The following LINS1 variants were observed in gnomAD, a reference collection of about 807,000 sequenced individuals.
The protein encoded by LINS1 is protein Lines homolog 1.
A neutral mutation model predicts 41.6 loss-of-function variants in LINS1; 27 were observed. The observed-to-expected ratio is 0.65, with a 90% CI of 0.48 to 0.89. LINS1 has a LOEUF of 0.89. LINS1 is among the 40% of genes least tolerant of loss of function. LINS1 has a pLI of 0.00. For missense variants in LINS1, 955 were observed against 884.1 expected, an observed-to-expected ratio of 1.08 and a Z score of -1.02; for synonymous variants, 336 against 312.9, an observed-to-expected ratio of 1.07 and a Z score of -0.78.
chr15:100,585,661 C>T (rs866285947), intron 1 of LINS1, among the ~76,000 whole-genome samples: 5 of 152,226 alleles, frequency 3.3e-5, no homozygotes, highest in Middle Eastern at 6.8e-3. Context: ...GATCTTCGTT[C>T]GTGTATGTGT....
intron 1 of LINS1, among the ~76,000 whole-genome samples, chr15:100,601,593 G>A (rs776386400): frequency 2.0e-5 from 3 of 151,860 alleles, no homozygotes; most frequent in Non-Finnish European, 2.9e-5. Flanking sequence ...GGTCAAAATC[G>A]ATTCCACCAT....
intron 3 of LINS1, 81 bp from the exon 4 acceptor site, chr15:100,575,209 C>T (rs562829593): frequency 1.2e-5 from 15 of 1,264,834 alleles, no homozygotes; most frequent in South Asian, 2.5e-5. Context: ...ATTGTTTATA[C>T]ATTTGGCCAA....
At position 100,575,094 on chromosome 15, in the gene LINS1, T is replaced by A; in HGVS notation, c.524A>T (p.Gln175Leu). The change falls in exon 4 of 7, where the codon CAG (glutamine) becomes CTG (leucine). Residue 175 changes from glutamine to leucine, a missense_variant. Gln to Leu is a moderately radical substitution (Grantham distance 113). Transcript: ENST00000314742. Reference protein sequence around the residue: ...TLSNSWIAFCQKNLSEYSESN... With the variant: ...TLSNSWIAFCLKNLSEYSESN... ...CTCAGAGTATTCAGAAAGATTTTTC[T>A]GGCAAAAAGCAATCCAGGAATTACT... 1 of 1,612,782 alleles carries A rather than the reference T, an allele frequency of 6.2e-7. No homozygotes were observed. Among genetic ancestry groups the A allele is most frequent in the Non-Finnish European group, 8.5e-7 (1 of 1,179,614 alleles).
At chr15:100,575,423 A>T (rs2038109220) in intron 3 of LINS1, among the ~76,000 whole-genome samples, 1 of 152,224 alleles carries the variant, frequency 6.6e-6, no homozygotes, top group African/African-American at 2.4e-5. Flanking sequence ...AAAAGAGACA[A>T]AGAAGACCAT....
rs191519661 is a variant in LINS1 at position 100,580,876 on chromosome 15, G to T, written c.-34C>A. On this transcript the variant is annotated 5_prime_UTR_variant, in exon 2 of 7. Transcript: ENST00000314742. ...CCAAAATGTATCTTATAAGAAGGTCGACAACTCCAAGTTGTAAACATTAAA... is the reference window on the plus strand; with the variant it reads ...CCAAAATGTATCTTATAAGAAGGTCTACAACTCCAAGTTGTAAACATTAAA... 1.3e-6 allele frequency: 2 copies of T among 1,584,872 alleles called. No homozygotes were observed. Among genetic ancestry groups the T allele is most frequent in the South Asian group, 1.1e-5 (1 of 88,860 alleles).
intron 1 of LINS1, chr15:100,586,444 TAAAG>T (rs2038805589): frequency 6.6e-6 from 1 of 152,232 alleles, no homozygotes; most frequent in African/African-American, 2.4e-5. Flanking sequence ...TCATTTCCAA[TAAAG>T]AAAGGATTGT....
chr15:100,575,132 C>A lies in LINS1; in HGVS notation c.490-4G>T. 1 of 1,609,184 alleles carries A rather than the reference C, an allele frequency of 6.2e-7. No homozygotes were observed. Among genetic ancestry groups the A allele is most frequent in the Admixed American group, 1.7e-5 (1 of 59,984 alleles). ...TCCAGGAATTACTTAAGGTTATCTA[C>A]AAGTGAGAAAATAAAGCAAGCAGTT... On this transcript the variant is annotated splice_polypyrimidine_tract_variant and splice_region_variant and intron_variant, in intron 3 of 6. Coordinates refer to ENST00000314742, the MANE Select transcript of LINS1 (RefSeq NM_001040616.3).
intron 1 of LINS1, among the ~76,000 whole-genome samples, chr15:100,593,561 G>GGT (rs10636937): frequency 1.5e-5 from 1 of 66,112 alleles, no homozygotes; most frequent in Non-Finnish European, 2.5e-5. Flanking sequence ...CAACTTTATG[G>GGT]GGGGGGGGGG....
chr15:100,598,475 CA>C (rs2039339759), intron 1 of LINS1, among the ~76,000 whole-genome samples: 1 of 152,198 alleles, frequency 6.6e-6, no homozygotes, highest in African/African-American at 2.4e-5. Context: ...TGAGCTCATT[CA>C]GTCTTTACCG....
chr15:100,573,864 A>C lies in LINS1; in HGVS notation c.1009T>G (p.Leu337Val). ...DHHVAVDMLA[L>V]ANAVLQAVNS... Reference sequence around the variant, plus strand: ...ACAGCTTGCAAAACAGCATTAGCTAAAGCCAGCATGTCCACCGCTACATGA... The same window carrying C: ...ACAGCTTGCAAAACAGCATTAGCTACAGCCAGCATGTCCACCGCTACATGA... Residue 337 changes from leucine to valine, a missense_variant, in exon 5 of 7, where the codon TTA becomes GTA. Coordinates refer to ENST00000314742, the MANE Select transcript of LINS1 (RefSeq NM_001040616.3). The C allele has an allele frequency of 6.2e-7, 1 of 1,614,250 alleles. No individual in the cohort carries two copies. Among genetic ancestry groups the C allele is most frequent in the Non-Finnish European group, 8.5e-7 (1 of 1,180,040 alleles).
At position 100,569,546 on chromosome 15, in the gene LINS1, C is replaced by T; in HGVS notation, c.1966G>A (p.Ala656Thr). The change falls in exon 7 of 7, where the codon GCA becomes ACA. Residue 656 changes from alanine to threonine, a missense_variant. By Grantham distance (58) the Ala-to-Thr change is moderately conservative. Transcript: ENST00000314742. ...GCTGCATCCTGAATCTCCTTAGTTGCTTGCTGGTGTAAAGATGTCTGTTTA... is the reference window on the plus strand; with the variant it reads ...GCTGCATCCTGAATCTCCTTAGTTGTTTGCTGGTGTAAAGATGTCTGTTTA... ...NSKQTSLHQQ[A>T]TKEIQDAAGT... The T allele has an allele frequency of 2.5e-6, 4 of 1,614,184 alleles. No homozygotes were observed. The highest frequency in any genetic ancestry group is 3.4e-6 in the Non-Finnish European group (4 of 1,180,026).
chr15:100,571,945 T>C lies in LINS1; in HGVS notation c.1343A>G (p.Asp448Gly). The C allele has an allele frequency of 2.5e-6, 4 of 1,614,254 alleles. No homozygotes were observed. The highest frequency in any genetic ancestry group is 3.4e-6 in the Non-Finnish European group (4 of 1,180,046). Residue 448 changes from aspartate to glycine, a missense_variant, in exon 6 of 7, where the codon GAC becomes GGC. Coordinates refer to ENST00000314742, the MANE Select transcript of LINS1 (RefSeq NM_001040616.3). Reference protein sequence around the residue: ...LSRVFIEQDDDMLEAAKASLG... With the variant: ...LSRVFIEQDDGMLEAAKASLG... ...TGATGCCTTGGCAGCCTCCAGCATG[T>C]CATCGTCTTGTTCTATGAAAACCCG...
At chr15:100,601,542 A>T (rs1567106926) in intron 1 of LINS1, among the ~76,000 whole-genome samples, 1 of 152,070 alleles carries the variant, frequency 6.6e-6, no homozygotes, top group Non-Finnish European at 1.5e-5. Flanking sequence ...ACAGATATTC[A>T]CACCATAGCA....
At chr15:100,573,320 A>G in intron 5 of LINS1, 1 of 1,068,294 alleles carries the variant, frequency 9.4e-7, no homozygotes, top group Non-Finnish European at 1.2e-6. Flanking sequence ...AGATTAAAAA[A>G]AAAAAAAGGA....
chr15:100,569,991 T>C lies in LINS1; in HGVS notation c.1521A>G (p.Thr507=). Residue 507 remains threonine, a synonymous_variant, in exon 7 of 7, where the codon ACA becomes ACG. Coordinates refer to ENST00000314742, the MANE Select transcript of LINS1 (RefSeq NM_001040616.3). ...ATGAAATCAAAAAGTCAAGAAGAAC[T>C]GTGGAATCAAATCCTATATTTTTCA... is the stretch of plus-strand genomic sequence containing the variant. ...FFLKNIGFDS[T]VLLDFLISSE... 1.9e-6 allele frequency: 3 copies of C among 1,564,612 alleles called. No homozygotes were observed. Among genetic ancestry groups the C allele is most frequent in the Non-Finnish European group, 2.6e-6 (3 of 1,157,730 alleles).
At chr15:100,579,652 G>C (rs2038413870) in intron 3 of LINS1, among the ~76,000 whole-genome samples, 1 of 151,882 alleles carries the variant, frequency 6.6e-6, no homozygotes, top group South Asian at 2.1e-4. Flanking sequence ...TGAAAAGTCA[G>C]TAGATATTTC....
At chr15:100,571,630 C>A (rs1226627068) in intron 6 of LINS1, among the ~76,000 whole-genome samples, 18 of 152,296 alleles carry the variant, frequency 1.2e-4, no homozygotes, top group African/African-American at 4.3e-4. Context: ...GAGAAGTGTA[C>A]TGACTTACTG....
Position 100,575,131 on chromosome 15 carries a change from A to G in LINS1, c.490-3T>C. ...ATCCAGGAATTACTTAAGGTTATCT[A>G]CAAGTGAGAAAATAAAGCAAGCAGT... On this transcript the variant is annotated splice_polypyrimidine_tract_variant and splice_region_variant and intron_variant, in intron 3 of 6. Transcript: ENST00000314742. 1 of 1,609,608 alleles carries G rather than the reference A, an allele frequency of 6.2e-7. No homozygotes were observed. Among genetic ancestry groups the G allele is most frequent in the Non-Finnish European group, 8.5e-7 (1 of 1,178,094 alleles).
intron 1 of LINS1, among the ~76,000 whole-genome samples, chr15:100,591,621 A>C (rs1168541773): frequency 6.6e-6 from 1 of 152,106 alleles, no homozygotes; most frequent in Non-Finnish European, 1.5e-5. Flanking sequence ...TTTTCCGCAA[A>C]TCTCTAGAAA....
Sources: gnomAD v4.1 joint callset for allele counts (sites outside exome capture counted in the v4.1 genomes callset) on GRCh38, gnomAD v4.1.1 for gene constraint, MANE v1.5 for transcripts, NCBI Gene and HGNC (gene_info 2026-07-23, HGNC 2026-07-21) for gene names.